The following HHLA2 variants were observed in gnomAD, a reference collection of about 807,000 sequenced individuals.
HHLA2 encodes HHLA2 member of B7 family, also known as HERV-H LTR-associating protein 2.
In HHLA2, 48 loss-of-function variants were observed where a neutral mutation model predicts 45.9. That is an observed-to-expected ratio of 1.05 (90% CI 0.83 to 1.33). The LOEUF (loss-of-function observed/expected upper bound fraction) is 1.33. Among genes scored for constraint, HHLA2 ranks in the 40% most tolerant of loss-of-function variants. HHLA2 has a pLI of 0.00. For synonymous variants in HHLA2, 161 were observed against 173.9 expected (o/e 0.93, Z 0.59); for missense variants, 462 against 494.3 (o/e 0.93, Z 0.62).
At chr3:108,362,184 T>C (rs961496368) in intron 7 of HHLA2, among the ~76,000 whole-genome samples, 158 bp from the exon 7 acceptor site, 3 of 152,192 alleles carry the variant, frequency 2.0e-5, no homozygotes, top group Non-Finnish European at 2.9e-5. Flanking sequence ...GTTTTTATTA[T>C]GCAAAGTGTT....
chr3:108,356,664 C>A (rs931096562), intron 6 of HHLA2, among the ~76,000 whole-genome samples: 3 of 152,206 alleles, frequency 2.0e-5, no homozygotes, highest in Non-Finnish European at 4.4e-5. Context: ...ATGAACAGTT[C>A]TTTAGGCTCA....
At chr3:108,304,372 T>C (rs1352265648) in intron 1 of HHLA2, among the ~76,000 whole-genome samples, 2 of 152,146 alleles carry the variant, frequency 1.3e-5, no homozygotes, top group Admixed American at 6.5e-5. Flanking sequence ...TTCTGAAGAT[T>C]CTAGGGGAGA....
At chr3:108,341,952 G>A (rs2081577676) in intron 3 of HHLA2, among the ~76,000 whole-genome samples, 1 of 152,168 alleles carries the variant, frequency 6.6e-6, no homozygotes, top group Non-Finnish European at 1.5e-5. Flanking sequence ...AAAGTAGAGG[G>A]ACGGGGTTTG....
At chr3:108,340,096 A>G (rs2081538777) in intron 3 of HHLA2, among the ~76,000 whole-genome samples, 1 of 152,174 alleles carries the variant, frequency 6.6e-6, no homozygotes, top group African/African-American at 2.4e-5. Flanking sequence ...CTGGGGAAAG[A>G]GCCCATCTGT....
At chr3:108,353,387 G>A (rs200786656) in intron 4 of HHLA2, 40 bp from the exon 4 acceptor site, 16 of 1,295,776 alleles carry the variant, frequency 1.2e-5, no homozygotes, top group Non-Finnish European at 1.7e-5. Flanking sequence ...CAAGCACATG[G>A]CATTAATTCT....
Position 108,318,555 on chromosome 3 carries a change from T to TA in HHLA2, c.-105+7820dup, listed in dbSNP as rs537119202. 4.9e-3 allele frequency among the ~76,000 whole-genome samples: 750 copies of TA among 152,252 alleles called. 9 individuals carry two copies. Among genetic ancestry groups the TA allele is most frequent in the African/African-American group, 0.016 (667 of 41,548 alleles). ...TAATGCTCAGTCTAATTCCTGGAAA[T>TA]AAAAAATCACCCAAATTATTTTCCT... On this transcript the variant is annotated intron_variant, in intron 2 of 10. Transcript: ENST00000619531.
chr3:108,347,588 C>CT (rs1230003917), intron 3 of HHLA2, among the ~76,000 whole-genome samples: 1 of 151,996 alleles, frequency 6.6e-6, no homozygotes, highest in Non-Finnish European at 1.5e-5. Context: ...AGAATGACTT[C>CT]TTTTTTTAAA....
At chr3:108,324,150 G>T (rs2081248651) in intron 2 of HHLA2, among the ~76,000 whole-genome samples, 1 of 152,140 alleles carries the variant, frequency 6.6e-6, no homozygotes, top group African/African-American at 2.4e-5. Context: ...TATTTTCACA[G>T]TAAAAGCATA....
At chr3:108,307,461 C>G (rs2080948734) in intron 1 of HHLA2, among the ~76,000 whole-genome samples, 1 of 151,854 alleles carries the variant, frequency 6.6e-6, no homozygotes. Flanking sequence ...TGGTGAAACC[C>G]CATCTCTACT....
At chr3:108,317,267 A>G (rs542870899) in intron 2 of HHLA2, among the ~76,000 whole-genome samples, 30 of 152,368 alleles carry the variant, frequency 2.0e-4, no homozygotes, top group Admixed American at 1.5e-3. Flanking sequence ...ACGGTGTGCA[A>G]CTAGGATCTC....
intron 2 of HHLA2, among the ~76,000 whole-genome samples, chr3:108,319,971 A>T (rs2081171026): frequency 6.6e-6 from 1 of 152,244 alleles, no homozygotes; most frequent in Non-Finnish European, 1.5e-5. Flanking sequence ...TTTCAGTATA[A>T]TGTCGACTTT....
chr3:108,305,930 G>A (rs552993217), intron 1 of HHLA2, among the ~76,000 whole-genome samples: 1 of 152,262 alleles, frequency 6.6e-6, no homozygotes, highest in South Asian at 2.1e-4. Context: ...GGTGATTGCA[G>A]CCCCAGGTGC....
At chr3:108,342,534 G>T (rs1371847166) in intron 3 of HHLA2, among the ~76,000 whole-genome samples, 1 of 151,868 alleles carries the variant, frequency 6.6e-6, no homozygotes, top group African/African-American at 2.4e-5. Context: ...CAAAGTGCTG[G>T]GATTACAGGC....
Position 108,330,229 on chromosome 3 carries a change from C to G in HHLA2, c.-27+1882C>G, listed in dbSNP as rs577837491. On this transcript the variant is annotated intron_variant, in intron 3 of 10. Transcript: ENST00000619531. ...TGCTGTATTCTATTGGTTATACAGA[C>G]CAGCCCTGGTACAGTGTGGGAAAGG... Among the ~76,000 whole-genome samples, 3 of 152,198 alleles carry G rather than the reference C, an allele frequency of 2.0e-5. No individual in the cohort carries two copies. The South Asian group carries it at 6.2e-4, about 32-fold the overall frequency.
exon 7 of HHLA2, chr3:108,357,958 C>A (rs759602356): frequency 6.2e-7 from 1 of 1,613,638 alleles, no homozygotes; most frequent in Admixed American, 1.7e-5. Context: ...AAAAGTGGGA[C>A]TTTCTCTGTC....
chr3:108,362,578 T>C (rs2082000817), intron 8 of HHLA2, 132 bp downstream of exon 7: 1 of 653,306 alleles, frequency 1.5e-6, no homozygotes, highest in Admixed American at 2.9e-5. Context: ...TTCACAAAAT[T>C]CACCCAAAAT....
Position 108,376,575 on chromosome 3 carries a change from T to G in HHLA2, c.1224+18T>G. 1 of 1,606,076 alleles carries G rather than the reference T, an allele frequency of 6.2e-7. No individual in the cohort carries two copies. The highest frequency in any genetic ancestry group is 8.5e-7 in the Non-Finnish European group (1 of 1,173,722). Reference sequence around the variant, plus strand: ...AAAATGTGGTAAGGCATTATTTCCTTTATCAAACCATATACAGTATAAAAA... The same window carrying G: ...AAAATGTGGTAAGGCATTATTTCCTGTATCAAACCATATACAGTATAAAAA... On this transcript the variant is annotated intron_variant, in intron 10 of 10. Transcript: ENST00000619531.
intron 2 of HHLA2, among the ~76,000 whole-genome samples, chr3:108,321,359 G>A (rs2081198972): frequency 6.6e-6 from 1 of 152,138 alleles, no homozygotes; most frequent in Admixed American, 6.6e-5. Flanking sequence ...AAGAGAGGAT[G>A]GGTAATACAT....
At chr3:108,337,078 G>A (rs960350848) in intron 3 of HHLA2, among the ~76,000 whole-genome samples, 2 of 152,020 alleles carry the variant, frequency 1.3e-5, no homozygotes, top group African/African-American at 2.4e-5. Context: ...CAAAGTGGGG[G>A]GTCTGCAGAC....
Sources: allele counts gnomAD v4.1 joint callset (sites outside exome capture counted in the v4.1 genomes callset), GRCh38; gene constraint gnomAD v4.1.1; transcripts MANE v1.5; gene names NCBI Gene and HGNC (gene_info 2026-07-23, HGNC 2026-07-21).